DNAAF5: variants seen among roughly 807,000 people sequenced by gnomAD.
DNAAF5 encodes the protein HEAT repeat containing 2.
A neutral mutation model predicts 75.8 loss-of-function variants in DNAAF5; 64 were observed. The ratio of observed to expected loss-of-function variants is 0.84; its 90% confidence interval spans 0.69 to 1.04. The LOEUF is 1.04. DNAAF5 is among the 50% of genes least tolerant of loss of function. The pLI is 0.00. For missense variants in DNAAF5, 1,269 were observed against 1,178.5 expected (o/e 1.08, Z -1.12); for synonymous variants, 657 against 557.2 (o/e 1.18, Z -2.52).
intron 1 of DNAAF5, among the ~76,000 whole-genome samples, chr7:727,981 A>G (rs1199084223): frequency 2.0e-5 from 3 of 151,416 alleles, no homozygotes; most frequent in Non-Finnish European, 4.4e-5. Flanking sequence ...GGTTGAGGGC[A>G]CGCGCTTTGA....
chr7:771,580 C>G (rs989312163), intron 9 of DNAAF5: 1 of 152,308 alleles, frequency 6.6e-6, no homozygotes, highest in Non-Finnish European at 1.5e-5. Context: ...GCCTGTCGTA[C>G]TGCAGGAAAT....
At chr7:745,164 G>A (rs1308905542) in intron 4 of DNAAF5, among the ~76,000 whole-genome samples, 3 of 152,172 alleles carry the variant, frequency 2.0e-5, no homozygotes, top group Non-Finnish European at 4.4e-5. Flanking sequence ...CTTAGAGAGG[G>A]TCCAGCCTGT....
At chr7:752,382 C>CTGGGCCA (rs1782327399) in intron 4 of DNAAF5, among the ~76,000 whole-genome samples, 1 of 147,784 alleles carries the variant, frequency 6.8e-6, no homozygotes, top group African/African-American at 2.5e-5. Context: ...TCACCGCGGG[C>CTGGGCCA]CGGGCCACGC....
At chr7:762,757 G>A (rs549273841) in intron 7 of DNAAF5, among the ~76,000 whole-genome samples, 3 of 151,964 alleles carry the variant, frequency 2.0e-5, no homozygotes, top group Non-Finnish European at 4.4e-5. Context: ...GGGATTACAG[G>A]CGCCCACCAC....
chr7:783,933 C>G (rs1779065363), intron 12 of DNAAF5, among the ~76,000 whole-genome samples: 1 of 152,104 alleles, frequency 6.6e-6, no homozygotes, highest in Non-Finnish European at 1.5e-5. Context: ...CAGGACTGCA[C>G]AGGGCATCTC....
chr7:763,247 G>A (rs1339747974), intron 7 of DNAAF5, among the ~76,000 whole-genome samples: 1 of 152,162 alleles, frequency 6.6e-6, no homozygotes, highest in African/African-American at 2.4e-5. Context: ...GGTCATGGGG[G>A]ACGAAGCCAG....
chr7:731,813 G>A (rs138018339), intron 2 of DNAAF5, among the ~76,000 whole-genome samples: 3 of 152,188 alleles, frequency 2.0e-5, no homozygotes, highest in East Asian at 3.9e-4. Context: ...ACCCTGCACG[G>A]CCCTTCACGT....
intron 3 of DNAAF5, 83 bp downstream of exon 3, chr7:741,026 C>A: frequency 1.3e-6 from 2 of 1,510,246 alleles, no homozygotes; most frequent in Non-Finnish European, 1.8e-6. Flanking sequence ...CCCAGTCTCT[C>A]ACAGAAACCT....
At chr7:765,246 G>A (rs761520894) in intron 8 of DNAAF5, among the ~76,000 whole-genome samples, 98 of 152,362 alleles carry the variant, frequency 6.4e-4, no homozygotes, top group Non-Finnish European at 1.0e-3. Flanking sequence ...GCCGGCCTGT[G>A]TGGTGGGAAC....
At chr7:737,547 C>T (rs1179278525) in intron 2 of DNAAF5, among the ~76,000 whole-genome samples, 2 of 152,184 alleles carry the variant, frequency 1.3e-5, no homozygotes, top group East Asian at 3.8e-4. Flanking sequence ...TCTTATTGCT[C>T]CTCAGCATCC....
At position 729,652 on chromosome 7, in the gene DNAAF5, C is replaced by G. The variant is rs1781499167; in HGVS notation, c.596-11C>G. On this transcript the variant is annotated splice_polypyrimidine_tract_variant and intron_variant, in intron 1 of 12. Coordinates refer to ENST00000297440, the MANE Select transcript of DNAAF5 (RefSeq NM_017802.4). ...GCAGCTCTGGTAACTGGGGGCCTCC[C>G]TGTCCCTCAGACCACTTCCACATGC... The G allele has an allele frequency of 6.2e-7, 1 of 1,610,842 alleles. No individual in the cohort carries two copies. The highest frequency in any genetic ancestry group is 8.5e-7 in the Non-Finnish European group (1 of 1,177,930).
At chr7:765,255 A>G (rs1478098555) in intron 8 of DNAAF5, among the ~76,000 whole-genome samples, 2 of 152,190 alleles carry the variant, frequency 1.3e-5, no homozygotes, top group Non-Finnish European at 2.9e-5. Context: ...TGTGGTGGGA[A>G]CTGTGACCCC....
At chr7:774,403 A>G (rs953662998) in intron 10 of DNAAF5, among the ~76,000 whole-genome samples, 2 of 151,974 alleles carry the variant, frequency 1.3e-5, no homozygotes, top group South Asian at 2.1e-4. Flanking sequence ...CAGGCGGGAG[A>G]GCGGGAGCCA....
chr7:770,422 C>G (rs1778516514), intron 8 of DNAAF5, 49 bp from the exon 9 acceptor site: 1 of 1,572,586 alleles, frequency 6.4e-7, no homozygotes, highest in Non-Finnish European at 8.6e-7. Flanking sequence ...ATGGGGCCTC[C>G]TCCCGTCTCC....
chr7:726,963 G>T lies in DNAAF5; in HGVS notation c.243G>T (p.Leu81Phe). The change falls in exon 1 of 13, where the codon TTG (leucine) becomes TTT (phenylalanine). Residue 81 changes from leucine (L) to phenylalanine (F), a missense_variant. Transcript: ENST00000297440. ...GGGCGCGCCTACTGCTGCCGCGCTT[G>T]CTGCGCTGCCTGAGCGACCCCGCCG... ...GPWARLLLPR[L>F]LRCLSDPAEG... 1 of 1,321,890 alleles carries T rather than the reference G, an allele frequency of 7.6e-7. No individual in the cohort carries two copies. The highest frequency in any genetic ancestry group is 9.7e-7 in the Non-Finnish European group (1 of 1,031,402). The allele number at this position is 1,321,890 out of a possible 1,614,324, so 81.9% of individuals were successfully genotyped here.
At chr7:770,264 A>C (rs1375636595) in intron 8 of DNAAF5, among the ~76,000 whole-genome samples, 1 of 151,894 alleles carries the variant, frequency 6.6e-6, no homozygotes, top group African/African-American at 2.4e-5. Context: ...ATAGGTTTTC[A>C]TATGGAAAAA....
At chr7:767,976 G>T (rs945105875) in intron 8 of DNAAF5, among the ~76,000 whole-genome samples, 2 of 149,508 alleles carry the variant, frequency 1.3e-5, no homozygotes, top group African/African-American at 5.0e-5. Flanking sequence ...AGGAGCGCTC[G>T]TGCTTGGAAG....
chr7:763,036 G>A (rs1477620775), intron 7 of DNAAF5, among the ~76,000 whole-genome samples: 1 of 152,144 alleles, frequency 6.6e-6, no homozygotes, highest in African/African-American at 2.4e-5. Context: ...CTGTCTCTGT[G>A]GACAGCCCCT....
intron 9 of DNAAF5, chr7:771,805 C>T (rs537961771): frequency 6.6e-6 from 1 of 152,230 alleles, no homozygotes; most frequent in Non-Finnish European, 1.5e-5. Flanking sequence ...GAACAGTTAA[C>T]TCTGCAGAGC....
Sources: gnomAD v4.1 joint callset for allele counts (sites outside exome capture counted in the v4.1 genomes callset) on GRCh38, gnomAD v4.1.1 for gene constraint, MANE v1.5 for transcripts, NCBI Gene and HGNC (gene_info 2026-07-23, HGNC 2026-07-21) for gene names.